XKR4: variants seen among roughly 807,000 people sequenced by gnomAD.
XKR4 encodes XK related 4, also known as XK-related protein 4.
In XKR4, 12 loss-of-function variants were observed where a neutral mutation model predicts 53.9. The ratio of observed to expected loss-of-function variants is 0.22; its 90% CI spans 0.14 to 0.36. XKR4 has a LOEUF of 0.36. Among genes scored for constraint, XKR4 ranks in the 10% least tolerant of loss-of-function variants. XKR4 has a pLI of 1.00. For missense variants in XKR4, 799 were observed against 859.5 expected (o/e 0.93, Z 0.88); for synonymous variants, 354 against 362.4 (o/e 0.98, Z 0.26).
At chr8:55,283,452 G>T (rs113454091) in intron 1 of XKR4, among the ~76,000 whole-genome samples, 201 of 152,196 alleles carry the variant, frequency 1.3e-3, no homozygotes, top group African/African-American at 4.7e-3. Context: ...TCCCTCACAA[G>T]ACTGTGATGT....
rs905848023 is a variant in XKR4 at position 55,173,490 on chromosome 8, T to G, written c.806+70196T>G. Among the ~76,000 whole-genome samples, 12 of 152,206 alleles carry G rather than the reference T, an allele frequency of 7.9e-5. 1 individual carries two copies. Among genetic ancestry groups the G allele is most frequent in the Admixed American group, 7.8e-4 (12 of 15,288 alleles). ...ATAGCTTTAGAACACATGATACTGTTTCATGCTTTACACCTTTGATTGTGT... is the reference window on the plus strand; with the variant it reads ...ATAGCTTTAGAACACATGATACTGTGTCATGCTTTACACCTTTGATTGTGT... On this transcript the variant is annotated intron_variant, in intron 1 of 2. Transcript: ENST00000327381.
At chr8:55,218,865 CT>C (rs1360283159) in intron 1 of XKR4, among the ~76,000 whole-genome samples, 1 of 152,164 alleles carries the variant, frequency 6.6e-6, no homozygotes, top group Non-Finnish European at 1.5e-5. Flanking sequence ...TTATGAAGAG[CT>C]GTTAGTGTTC....
chr8:55,219,873 T>C (rs1200368087), intron 1 of XKR4, among the ~76,000 whole-genome samples: 1 of 152,184 alleles, frequency 6.6e-6, no homozygotes, highest in African/African-American at 2.4e-5. Context: ...ACTGGAAATT[T>C]CTCCTATGCA....
At chr8:55,423,211 T>C (rs1435526200) in intron 2 of XKR4, among the ~76,000 whole-genome samples, 1 of 152,068 alleles carries the variant, frequency 6.6e-6, no homozygotes, top group African/African-American at 2.4e-5. Context: ...TTCTCATGCC[T>C]CAGCCTCCTG....
chr8:55,420,439 T>C (rs1159436498), intron 2 of XKR4, among the ~76,000 whole-genome samples: 4 of 149,520 alleles, frequency 2.7e-5, no homozygotes, highest in African/African-American at 1.0e-4. Context: ...ATATACACCA[T>C]GGAATACTAT....
chr8:55,435,411 G>C (rs1322291132), intron 2 of XKR4, among the ~76,000 whole-genome samples: 2 of 151,870 alleles, frequency 1.3e-5, no homozygotes, highest in African/African-American at 2.4e-5. Flanking sequence ...TACCCTAAGG[G>C]TACTCACAAA....
At chr8:55,379,854 A>C (rs1460752957) in intron 2 of XKR4, among the ~76,000 whole-genome samples, 2 of 152,224 alleles carry the variant, frequency 1.3e-5, no homozygotes, top group African/African-American at 4.8e-5. Context: ...AGGCTGGTGC[A>C]CCAAGCTCTG....
intron 1 of XKR4, among the ~76,000 whole-genome samples, chr8:55,253,704 C>G (rs1818392517): frequency 6.7e-6 from 1 of 149,616 alleles, no homozygotes; most frequent in South Asian, 2.1e-4. Flanking sequence ...GAGCTGGTCT[C>G]TCACAGATTA....
rs1475709951 is a variant in XKR4 at position 55,539,662 on chromosome 8, A to C, written c.*15435A>C. 1 of 152,222 alleles carries C rather than the reference A, an allele frequency of 6.6e-6. No individual in the cohort carries two copies. The highest frequency in any genetic ancestry group is 1.9e-4 in the East Asian group (1 of 5,202). The allele number at this position is 152,222 out of a possible 1,614,324, so 9.4% of individuals were successfully genotyped here. A position where few individuals can be genotyped will look rare whatever the true frequency, so the allele number is the denominator to read the frequency against. ...TACTATGAGAATAGTAAGTGAGTCA[A>C]AAAATAATTGGGACTGTCCTTTTTC... On this transcript the variant is annotated 3_prime_UTR_variant, in exon 3 of 3. Coordinates refer to ENST00000327381, the MANE Select transcript of XKR4 (RefSeq NM_052898.2).
intron 1 of XKR4, among the ~76,000 whole-genome samples, chr8:55,271,140 T>G (rs1438562804): frequency 1.3e-5 from 2 of 152,128 alleles, no homozygotes; most frequent in Non-Finnish European, 2.9e-5. Flanking sequence ...TTCAAAACAT[T>G]ACAATTATGT....
intron 1 of XKR4, among the ~76,000 whole-genome samples, chr8:55,259,043 C>T (rs1190542812): frequency 6.6e-6 from 1 of 152,288 alleles, no homozygotes; most frequent in South Asian, 2.1e-4. Context: ...CATTCGTGTC[C>T]CTGCCTGCAG....
At chr8:55,382,403 A>G (rs1349963434) in intron 2 of XKR4, among the ~76,000 whole-genome samples, 1 of 152,230 alleles carries the variant, frequency 6.6e-6, no homozygotes, top group Non-Finnish European at 1.5e-5. Flanking sequence ...GAAGCAGAAT[A>G]AAATATGATA....
At chr8:55,197,736 G>A (rs879851702) in intron 1 of XKR4, among the ~76,000 whole-genome samples, 1 of 151,966 alleles carries the variant, frequency 6.6e-6, no homozygotes, top group African/African-American at 2.4e-5. Context: ...GTAGAGACAG[G>A]GTTTCATTGT....
rs1435590586 is a variant in XKR4, at chr8:55,390,066, G to A, written c.1006+32189G>A. ...AACAAACTTTAACAAATGGAAACTG[G>A]CCCGTGGTTATCTCAATTTCCAGTA... On this transcript the variant is annotated intron_variant, in intron 2 of 2. Coordinates refer to ENST00000327381, the MANE Select transcript of XKR4 (RefSeq NM_052898.2). Among the ~76,000 whole-genome samples the A allele has an allele frequency of 5.9e-5, 9 of 152,294 alleles. No homozygotes were observed. In the East Asian group the frequency reaches 1.3e-3, roughly 23 times the overall value.
intron 1 of XKR4, among the ~76,000 whole-genome samples, chr8:55,236,505 G>C (rs1315372660): frequency 2.6e-5 from 4 of 152,178 alleles, no homozygotes; most frequent in Non-Finnish European, 5.9e-5. Context: ...ACAGTCAAGA[G>C]GCTGGCCCAC....
intron 2 of XKR4, among the ~76,000 whole-genome samples, chr8:55,474,874 G>T (rs1349923207): frequency 6.6e-6 from 1 of 152,096 alleles, no homozygotes; most frequent in East Asian, 1.9e-4. Context: ...CTGAATGTTT[G>T]TATGCAGAAA....
intron 1 of XKR4, among the ~76,000 whole-genome samples, chr8:55,219,934 G>A (rs1817858478): frequency 6.6e-6 from 1 of 152,042 alleles, no homozygotes; most frequent in Non-Finnish European, 1.5e-5. Context: ...CCATGTTTAG[G>A]CAATGGATTT....
chr8:55,523,174 T>A (rs1806824963), intron 2 of XKR4, 107 bp from the exon 3 acceptor site: 1 of 978,068 alleles, frequency 1.0e-6, no homozygotes, highest in South Asian at 1.8e-5. Context: ...TAAGAGTCTT[T>A]GCTGAGGTCA....
chr8:55,242,094 C>T (rs1446791693), intron 1 of XKR4, among the ~76,000 whole-genome samples: 2 of 152,146 alleles, frequency 1.3e-5, no homozygotes, highest in Non-Finnish European at 2.9e-5. Context: ...GAATGCAGCT[C>T]ATATTCATTC....
Sources: gnomAD v4.1 joint callset for allele counts (sites outside exome capture counted in the v4.1 genomes callset) on GRCh38, gnomAD v4.1.1 for gene constraint, MANE v1.5 for transcripts, NCBI Gene and HGNC (gene_info 2026-07-23, HGNC 2026-07-21) for gene names.